The following NBPF12 variants were observed in gnomAD, a reference collection of about 807,000 sequenced individuals.
The protein encoded by NBPF12 is NBPF member 12.
A neutral mutation model predicts 146.4 loss-of-function variants in NBPF12; 115 were observed. That is an observed-to-expected ratio of 0.79 (90% CI 0.68 to 0.92). NBPF12 has a LOEUF of 0.92. Ranked by LOEUF, NBPF12 falls within the 40% of genes least tolerant of loss-of-function variation. The pLI is 0.00. For missense variants in NBPF12, 1,205 were observed against 1,326.8 expected, an observed-to-expected ratio of 0.91 and a Z score of 1.43; for synonymous variants, 385 against 508.9, an observed-to-expected ratio of 0.76 and a Z score of 3.28.
chr1:146,953,045 C>G (rs1430690706), intron 2 of NBPF12, among the ~76,000 whole-genome samples: 2 of 151,066 alleles, frequency 1.3e-5, no homozygotes, highest in African/African-American at 4.9e-5. Context: ...TGTAAAGGTC[C>G]TGTGGCGCCT....
At chr1:146,964,410 C>G (rs1656059054) in exon 7 of NBPF12, 2 of 1,601,196 alleles carry the variant, frequency 1.2e-6, no homozygotes, top group Non-Finnish European at 1.7e-6. Flanking sequence ...TGAGAAAGTA[C>G]TGGAATCATC....
At chr1:146,941,977 C>A (rs1210210471) in intron 1 of NBPF12, among the ~76,000 whole-genome samples, 1 of 148,638 alleles carries the variant, frequency 6.7e-6, no homozygotes, top group Non-Finnish European at 1.5e-5. Flanking sequence ...CCTGCCTCAG[C>A]CTCCTGAGTA....
chr1:146,971,861 C>CCT (rs1656643771), intron 13 of NBPF12, among the ~76,000 whole-genome samples: 2 of 147,828 alleles, frequency 1.4e-5, no homozygotes, highest in African/African-American at 2.5e-5. Flanking sequence ...GGGTGGATCA[C>CCT]GAGGTCAGGA....
At chr1:146,977,053 T>A (rs1264647477) in intron 17 of NBPF12, 52 bp downstream of exon 20, 72 of 667,554 alleles carry the variant, frequency 1.1e-4, no homozygotes, top group Non-Finnish European at 1.9e-4. Flanking sequence ...ATGAAGAATA[T>A]CTAGGAGGCA....
At chr1:146,995,864 T>C (rs1658509811) in exon 34 of NBPF12, 1 of 150,272 alleles carries the variant, frequency 6.7e-6, no homozygotes, top group Non-Finnish European at 1.5e-5. Context: ...ATAAATATCC[T>C]GTATTCTAAT....
Position 146,972,739 on chromosome 1 carries a change from T to C in NBPF12, c.1592-12T>C. The C allele has an allele frequency of 7.4e-7, 1 of 1,354,198 alleles. No individual in the cohort carries two copies. The highest frequency in any genetic ancestry group is 1.2e-5 in the South Asian group (1 of 85,728). 83.9% of individuals were successfully genotyped at this position (1,354,198 alleles called of 1,614,324 possible). On this transcript the variant is annotated splice_polypyrimidine_tract_variant and intron_variant, in intron 13 of 33. Transcript: ENST00000617844. ...TTTTAACCCATCATGTGTTTGCCTT[T>C]CTTCTCCCCAGTCCCTGGCCCCACC...
At chr1:146,977,866 G>A (rs1207566139) in intron 18 of NBPF12, among the ~76,000 whole-genome samples, 195 bp downstream of exon 21, 8 of 151,890 alleles carry the variant, frequency 5.3e-5, no homozygotes, top group Non-Finnish European at 8.8e-5. Context: ...CAAGTTACTC[G>A]ACCCCAGGCA....
intron 18 of NBPF12, among the ~76,000 whole-genome samples, chr1:146,978,413 CA>C (rs1657185814): frequency 6.8e-6 from 1 of 146,562 alleles, no homozygotes. Flanking sequence ...CACAGGTGCA[CA>C]ACATCACATC....
At chr1:146,962,554 A>G (rs1655921749) in intron 5 of NBPF12, among the ~76,000 whole-genome samples, 1 of 151,802 alleles carries the variant, frequency 6.6e-6, no homozygotes. Flanking sequence ...AGCATTCAGT[A>G]TACTCAAAAT....
At chr1:146,984,703 C>T (rs1657635307) in intron 21 of NBPF12, 110 bp from the exon 25 acceptor site, 6 of 772,694 alleles carry the variant, frequency 7.8e-6, no homozygotes, top group South Asian at 6.9e-5. Flanking sequence ...ATTAATGGAT[C>T]TGTCCTTTTT....
chr1:146,968,869 G>C (rs1553885985), intron 10 of NBPF12, among the ~76,000 whole-genome samples: 13,919 of 147,768 alleles, frequency 0.094, 947 homozygotes, highest in East Asian at 0.22. Flanking sequence ...GTGCCATCAC[G>C]ACCCCACTTA....
At chr1:146,992,462 C>CTCTCTCTCTCTCTGTG (rs1450490306) in intron 31 of NBPF12, among the ~76,000 whole-genome samples, 1 of 66,254 alleles carries the variant, frequency 1.5e-5, no homozygotes, top group African/African-American at 7.2e-5. Context: ...CTCTCTCTCT[C>CTCTCTCTCTCTCTGTG]TGTGTGTGTG....
intron 9 of NBPF12, among the ~76,000 whole-genome samples, chr1:146,967,139 G>T (rs1311677129): frequency 4.0e-5 from 6 of 150,686 alleles, no homozygotes; most frequent in Admixed American, 3.9e-4. Flanking sequence ...GCCAGTACCC[G>T]CTCTGAGGGG....
intron 17 of NBPF12, 130 bp from the exon 21 acceptor site, chr1:146,977,336 A>C: frequency 1.9e-6 from 2 of 1,060,214 alleles, no homozygotes; most frequent in Non-Finnish European, 2.8e-6. Flanking sequence ...GTTCCCTCTT[A>C]ATGGGAACGT....
At chr1:146,994,201 T>C (rs1418003381) in intron 33 of NBPF12, 131 bp from the exon 37 acceptor site, 4 of 1,577,474 alleles carry the variant, frequency 2.5e-6, no homozygotes, top group Middle Eastern at 2.3e-4. Flanking sequence ...AAGGCAATAA[T>C]TTGTTACCTC....
At chr1:146,971,011 C>A (rs1215653468) in intron 12 of NBPF12, among the ~76,000 whole-genome samples, 172 bp from the exon 16 acceptor site, 1 of 151,430 alleles carries the variant, frequency 6.6e-6, no homozygotes, top group Non-Finnish European at 1.5e-5. Flanking sequence ...CCATGGCAGC[C>A]ATGCTCTGTT....
intron 1 of NBPF12, among the ~76,000 whole-genome samples, chr1:146,939,236 C>A (rs1330630808): frequency 6.6e-6 from 1 of 152,060 alleles, no homozygotes; most frequent in South Asian, 2.1e-4. Flanking sequence ...TGTTCTGTGG[C>A]ATCCCAGGGG....
chr1:146,964,936 C>T (rs1444788883), exon 8 of NBPF12: 1 of 1,608,356 alleles, frequency 6.2e-7, no homozygotes, highest in African/African-American at 1.4e-5. Flanking sequence ...TGAGGACTCA[C>T]TGGAGGAATG....
At chr1:146,948,306 C>T (rs1486677970), upstream of NBPF12, among the ~76,000 whole-genome samples, 2 of 151,760 alleles carry the variant, frequency 1.3e-5, no homozygotes, top group Non-Finnish European at 2.9e-5. Flanking sequence ...CACGGCCTGA[C>T]CTGAACTGTG....
Sources: allele counts gnomAD v4.1 joint callset (sites outside exome capture counted in the v4.1 genomes callset), GRCh38; gene constraint gnomAD v4.1.1; transcripts MANE v1.5; gene names NCBI Gene and HGNC (gene_info 2026-07-23, HGNC 2026-07-21).